Variants in EZR observed in about 807,000 individuals in gnomAD.
The protein encoded by EZR is ezrin, also known as cytovillin 2.
Under a neutral mutation model 74.8 loss-of-function variants are expected in EZR, and 40 were observed. That is an observed-to-expected ratio of 0.53 (90% CI 0.42 to 0.70). The LOEUF (loss-of-function observed/expected upper bound fraction) is 0.70, where lower values mean the gene tolerates loss of function less well. Ranked by LOEUF, EZR falls within the 30% of genes least tolerant of loss-of-function variation. The pLI is 0.00. For synonymous variants in EZR, 341 were observed against 283.3 expected (o/e 1.20, Z -2.05); for missense variants, 678 against 755.8 (o/e 0.90, Z 1.21).
At chr6:158,790,230 C>T (rs1434681765) in intron 2 of EZR, among the ~76,000 whole-genome samples, 1 of 152,182 alleles carries the variant, frequency 6.6e-6, no homozygotes, top group Non-Finnish European at 1.5e-5. Flanking sequence ...ACAAGCAACA[C>T]TCAATGCAAA....
intron 2 of EZR, among the ~76,000 whole-genome samples, chr6:158,806,360 A>C (rs1466336144): frequency 6.6e-6 from 1 of 152,204 alleles, no homozygotes; most frequent in Admixed American, 6.5e-5. Context: ...TTTAAAAGCA[A>C]ATATTCTATT....
At chr6:158,783,854 T>A (rs1465596238) in intron 6 of EZR, among the ~76,000 whole-genome samples, 188 bp from the exon 7 acceptor site, 2 of 152,168 alleles carry the variant, frequency 1.3e-5, no homozygotes, top group Non-Finnish European at 2.9e-5. Flanking sequence ...CCAGAAGCTA[T>A]GCCTGGGGTG....
chr6:158,811,013 T>A (rs1777441031), intron 2 of EZR, among the ~76,000 whole-genome samples: 1 of 152,222 alleles, frequency 6.6e-6, no homozygotes, highest in Non-Finnish European at 1.5e-5. Flanking sequence ...TGGTTTCATT[T>A]TGAAAAAAAT....
intron 7 of EZR, among the ~76,000 whole-genome samples, chr6:158,779,289 C>T (rs952382167): frequency 7.9e-5 from 12 of 152,178 alleles, no homozygotes; most frequent in African/African-American, 2.9e-4. Context: ...ATACCAAGGT[C>T]ATGACAAAAA....
At chr6:158,805,829 C>A (rs1209889260) in intron 2 of EZR, among the ~76,000 whole-genome samples, 1 of 152,166 alleles carries the variant, frequency 6.6e-6, no homozygotes, top group African/African-American at 2.4e-5. Context: ...TATCACTCAC[C>A]CCAACCCCAA....
Position 158,781,655 on chromosome 6 carries a change from G to A in EZR, c.698+1865C>T, listed in dbSNP as rs560073525. Among the ~76,000 whole-genome samples the A allele has an allele frequency of 1.4e-3, 214 of 152,274 alleles. 1 individual carries two copies. In the Middle Eastern group the frequency reaches 0.02, roughly 15 times the overall value. On this transcript the variant is annotated intron_variant, in intron 7 of 13. Coordinates refer to ENST00000367075, the MANE Select transcript of EZR (RefSeq NM_001111077.2). ...GGCAGTTTCCCACATACGTTCCCAC[G>A]AGGACTTTGTGCACTGCTCCTTGGC...
intron 8 of EZR, among the ~76,000 whole-genome samples, chr6:158,771,958 A>C (rs1791124326): frequency 6.6e-6 from 1 of 151,952 alleles, no homozygotes; most frequent in Non-Finnish European, 1.5e-5. Context: ...TGACTGGGTC[A>C]CCACCCCGAC....
Position 158,776,388 on chromosome 6 carries a change from T to TAGAA in EZR, c.795+16_795+19dup. The TAGAA allele has an allele frequency of 6.3e-7, 1 of 1,583,534 alleles. No individual in the cohort carries two copies. The highest frequency in any genetic ancestry group is 8.7e-7 in the Non-Finnish European group (1 of 1,152,196). Reference sequence around the variant, plus strand: ...AGAATGAAAAACAGTAGCCCCTGAATAGAATCCTTTGGAACTTACAGGTGC... The same window carrying TAGAA: ...AGAATGAAAAACAGTAGCCCCTGAATAGAAAGAATCCTTTGGAACTTACAGGTGC... On this transcript the variant is annotated intron_variant, in intron 8 of 13. Coordinates refer to ENST00000367075, the MANE Select transcript of EZR (RefSeq NM_001111077.2).
intron 2 of EZR, among the ~76,000 whole-genome samples, chr6:158,805,453 G>A (rs952979290): frequency 2.0e-5 from 3 of 150,354 alleles, no homozygotes; most frequent in Non-Finnish European, 4.4e-5. Flanking sequence ...ATAAATTTTT[G>A]CCCCTAGTTA....
rs1218573392 is a variant in EZR, at chr6:158,768,859, C to G, written c.1344+467G>C. On this transcript the variant is annotated intron_variant, in intron 12 of 13. Coordinates refer to ENST00000367075, the MANE Select transcript of EZR (RefSeq NM_001111077.2). ...ATAGCTGATGAGCAGCAGAGCCCAG[C>G]TCTCACTCCAGCCTGGAGACGTCCA... 3.3e-5 allele frequency among the ~76,000 whole-genome samples: 5 copies of G among 152,346 alleles called. No individual in the cohort carries two copies. In the East Asian group the frequency reaches 9.6e-4, roughly 29 times the overall value.
rs201429575 is a variant in EZR at position 158,818,083 on chromosome 6, G to A, written c.11C>T (p.Pro4Leu). The A allele has an allele frequency of 5.6e-6, 9 of 1,609,550 alleles. No homozygotes were observed. The highest frequency in any genetic ancestry group is 3.3e-5 in the Admixed American group (2 of 59,876). ...CGGCCCAGAAACTGGGCAACTTACT[G>A]GTTTCGGCATTTTCGGTTTCTGGTG... is the stretch of plus-strand genomic sequence containing the variant. MPK[P>L]INVRVTTMDA... The change falls in exon 2 of 14, where the codon CCA becomes CTA. Residue 4 changes from proline to leucine, a missense_variant and splice_region_variant. Transcript: ENST00000367075.
chr6:158,792,133 G>T (rs991538123), intron 2 of EZR, among the ~76,000 whole-genome samples: 1 of 152,166 alleles, frequency 6.6e-6, no homozygotes, highest in Non-Finnish European at 1.5e-5. Context: ...CTGACTAGCA[G>T]GAATTTAGAA....
intron 2 of EZR, among the ~76,000 whole-genome samples, chr6:158,809,886 C>T (rs576062315): frequency 6.6e-6 from 1 of 152,172 alleles, no homozygotes; most frequent in East Asian, 1.9e-4. Flanking sequence ...AGCTGGGAGA[C>T]CAAATAAAAA....
intron 2 of EZR, among the ~76,000 whole-genome samples, chr6:158,791,833 C>A (rs536399362): frequency 1.3e-5 from 2 of 148,954 alleles, no homozygotes; most frequent in South Asian, 2.1e-4. Flanking sequence ...CTTAGCCTCC[C>A]GAGTAGCTGG....
chr6:158,785,857 G>A lies in EZR; in HGVS notation c.193-274C>T, dbSNP rs1265157974. 2.6e-5 allele frequency among the ~76,000 whole-genome samples: 4 copies of A among 152,080 alleles called. No individual in the cohort carries two copies. The South Asian group carries it at 6.2e-4, about 24-fold the overall frequency. On this transcript the variant is annotated intron_variant, in intron 4 of 13. Transcript: ENST00000367075. The stretch of plus-strand genomic sequence containing the variant: ...GCCCAGGAGTTTAAGACCAGCCTGG[G>A]CAACGTAGAAGAGATCCCATCTCTA...
intron 7 of EZR, among the ~76,000 whole-genome samples, chr6:158,782,235 C>T (rs1187439438): frequency 6.6e-6 from 1 of 152,164 alleles, no homozygotes; most frequent in Non-Finnish European, 1.5e-5. Flanking sequence ...GCACAGCTGG[C>T]ACAGGTCCCT....
intron 2 of EZR, among the ~76,000 whole-genome samples, chr6:158,798,417 A>G (rs1429032126): frequency 2.0e-5 from 3 of 152,206 alleles, no homozygotes; most frequent in East Asian, 3.8e-4. Context: ...AAAATATTCT[A>G]TGTTCTTAGA....
chr6:158,808,358 T>TC (rs1777385603), intron 2 of EZR, among the ~76,000 whole-genome samples: 1 of 152,174 alleles, frequency 6.6e-6, no homozygotes. Context: ...CACTGGACTG[T>TC]CCCATATGTA....
chr6:158,773,202 G>C (rs1035554316), intron 8 of EZR, among the ~76,000 whole-genome samples: 2 of 152,134 alleles, frequency 1.3e-5, no homozygotes, highest in African/African-American at 4.8e-5. Context: ...GTGCATGGGT[G>C]GGGGGATCAA....
Sources: allele counts gnomAD v4.1 joint callset (sites outside exome capture counted in the v4.1 genomes callset), GRCh38; gene constraint gnomAD v4.1.1; transcripts MANE v1.5; gene names NCBI Gene and HGNC (gene_info 2026-07-23, HGNC 2026-07-21).